Variants in SLFN12L observed in about 807,000 individuals in gnomAD.
The protein encoded by SLFN12L is schlafen family member 12-like.
A neutral mutation model predicts 34.8 loss-of-function variants in SLFN12L; 34 were observed. The observed-to-expected ratio is 0.98, with a 90% CI of 0.74 to 1.30. The LOEUF (loss-of-function observed/expected upper bound fraction) is 1.30, where lower values mean the gene tolerates loss of function less well. SLFN12L is among the 50% of genes most tolerant of loss of function. The pLI, the probability that SLFN12L is intolerant of heterozygous loss-of-function variation, is 0.00. For synonymous variants in SLFN12L, 259 were observed against 247.5 expected, an observed-to-expected ratio of 1.05 and a Z score of -0.44; for missense variants, 703 against 696.2, an observed-to-expected ratio of 1.01 and a Z score of -0.11.
intron 1 of SLFN12L, among the ~76,000 whole-genome samples, chr17:35,536,107 C>A (rs2072459571): frequency 6.6e-6 from 1 of 152,168 alleles, no homozygotes; most frequent in African/African-American, 2.4e-5. Flanking sequence ...GCATGAGCAA[C>A]CACATCCGGC....
chr17:35,489,864 G>T (rs1302916465), intron 2 of SLFN12L: 3 of 719,126 alleles, frequency 4.2e-6, no homozygotes, highest in Non-Finnish European at 6.8e-6. Context: ...TCTACTTCCG[G>T]AGAGGAACAC....
intron 1 of SLFN12L, among the ~76,000 whole-genome samples, chr17:35,530,502 A>AAGAGAG (rs1225835544): frequency 1.1e-4 from 4 of 34,814 alleles, no homozygotes; most frequent in African/African-American, 3.2e-4. Flanking sequence ...GAAAGAAAGA[A>AAGAGAG]AGAAAGAAAG....
intron 2 of SLFN12L, among the ~76,000 whole-genome samples, chr17:35,512,505 A>G (rs1486118567): frequency 6.6e-6 from 1 of 151,928 alleles, no homozygotes; most frequent in Non-Finnish European, 1.5e-5. Context: ...AGCTGGGACC[A>G]CAGGCGCCCG....
intron 1 of SLFN12L, among the ~76,000 whole-genome samples, chr17:35,526,678 G>A (rs1224883922): frequency 2.6e-5 from 4 of 152,100 alleles, no homozygotes; most frequent in East Asian, 1.9e-4. Flanking sequence ...AAGACACAAC[G>A]TGCCGGAATC....
intron 2 of SLFN12L, among the ~76,000 whole-genome samples, chr17:35,494,889 TTTTATTTA>T (rs3087173): frequency 0.027 from 3,912 of 146,898 alleles, 133 homozygotes; most frequent in African/African-American, 0.077. Flanking sequence ...AATTTATTTA[TTTTATTTA>T]TTTATTTATT....
At chr17:35,488,941 G>A (rs766016478) in intron 2 of SLFN12L, among the ~76,000 whole-genome samples, 1 of 151,488 alleles carries the variant, frequency 6.6e-6, no homozygotes, top group Non-Finnish European at 1.5e-5. Flanking sequence ...GTGGTGGCAC[G>A]CGCCTGTAAT....
intron 2 of SLFN12L, among the ~76,000 whole-genome samples, chr17:35,495,914 C>T (rs1024524575): frequency 7.4e-5 from 11 of 147,758 alleles, no homozygotes; most frequent in African/African-American, 2.7e-4. Context: ...CACACACACA[C>T]ACACACACAC....
chr17:35,516,555 C>A (rs1231394485), intron 2 of SLFN12L, among the ~76,000 whole-genome samples: 3 of 152,144 alleles, frequency 2.0e-5, no homozygotes, highest in Non-Finnish European at 2.9e-5. Context: ...CAGCAGTATC[C>A]CTGGCCTCTA....
chr17:35,480,894 T>C (rs1159579485), intron 2 of SLFN12L, among the ~76,000 whole-genome samples: 3 of 152,022 alleles, frequency 2.0e-5, no homozygotes. Flanking sequence ...AAAGAAAATA[T>C]ATAGAATAAG....
intron 1 of SLFN12L, among the ~76,000 whole-genome samples, chr17:35,528,145 G>C (rs1316872795): frequency 1.3e-5 from 2 of 152,186 alleles, no homozygotes; most frequent in Admixed American, 6.5e-5. Flanking sequence ...ACTTACAAGG[G>C]ATGTGAAGGA....
rs747212998 is a variant in SLFN12L at position 35,522,340 on chromosome 17, G to A, written c.25C>T (p.His9Tyr). The A allele has an allele frequency of 6.2e-7, 1 of 1,614,094 alleles. No homozygotes were observed. The highest frequency in any genetic ancestry group is 8.5e-7 in the Non-Finnish European group (1 of 1,180,040). ...TAGAGAATTCTGTGTGCCTCACAGT[G>A]AAACACATTCCTGATCTTCTCCATG... The part of the protein sequence containing the change: MEKIRNVF[H>Y]CEAHRILYIC... The change falls in exon 2 of 5, where the codon CAC (histidine) becomes TAC (tyrosine). Residue 9 changes from histidine to tyrosine, a missense_variant. Transcript: ENST00000628453.
At chr17:35,490,430 T>C in intron 2 of SLFN12L, 1 of 1,192,078 alleles carries the variant, frequency 8.4e-7, no homozygotes, top group South Asian at 1.2e-5. Flanking sequence ...GTCTTGGTTT[T>C]GAACAAGGCA....
chr17:35,529,230 C>CTT (rs1291982535), intron 1 of SLFN12L, among the ~76,000 whole-genome samples: 1 of 152,170 alleles, frequency 6.6e-6, no homozygotes, highest in African/African-American at 2.4e-5. Flanking sequence ...AATAGGAATG[C>CTT]TTTTACACTG....
Position 35,479,981 on chromosome 17 carries a change from T to A in SLFN12L, c.301A>T (p.Ile101Phe). The A allele has an allele frequency of 6.2e-7, 1 of 1,614,200 alleles. No individual in the cohort carries two copies. Among genetic ancestry groups the A allele is most frequent in the Non-Finnish European group, 8.5e-7 (1 of 1,180,028 alleles). The change falls in exon 3 of 5, where the codon ATC becomes TTC. Residue 101 changes from isoleucine (I) to phenylalanine (F), a missense_variant. By Grantham distance (21) the Ile-to-Phe change is conservative (BLOSUM62 0). Coordinates refer to ENST00000628453, the MANE Select transcript of SLFN12L (RefSeq NM_001363830.2). Reference sequence around the variant, plus strand: ...CCTTTATTCTCAACTTCAGCCTTGATCACTCCCCCTCCAGAATTCAGCAGA... The same window carrying A: ...CCTTTATTCTCAACTTCAGCCTTGAACACTCCCCCTCCAGAATTCAGCAGA... ...CALLNSGGGV[I>F]KAEVENKGYS...
Position 35,487,596 on chromosome 17 carries a change from C to G in SLFN12L, c.87-7401G>C, listed in dbSNP as rs1914639829. ...TGCAGGCGCTGTGCCAGCGCGGGCCCTTAAGCAACTGAAAGTTAAACGCCC... is the reference window on the plus strand; with the variant it reads ...TGCAGGCGCTGTGCCAGCGCGGGCCGTTAAGCAACTGAAAGTTAAACGCCC... On this transcript the variant is annotated intron_variant, in intron 2 of 4. Coordinates refer to ENST00000628453, the MANE Select transcript of SLFN12L (RefSeq NM_001363830.2). 1.0e-5 allele frequency: 10 copies of G among 954,444 alleles called. No homozygotes were observed. The South Asian group carries it at 1.6e-4, about 15-fold the overall frequency. The allele number at this position is 954,444 out of a possible 1,614,324, so 59.1% of individuals were successfully genotyped here.
At chr17:35,535,692 G>A (rs2072454214) in intron 1 of SLFN12L, among the ~76,000 whole-genome samples, 1 of 151,960 alleles carries the variant, frequency 6.6e-6, no homozygotes, top group African/African-American at 2.4e-5. Flanking sequence ...TTCTTGCTCT[G>A]CCGCCAAGGC....
chr17:35,508,568 T>A (rs151009319), intron 2 of SLFN12L, among the ~76,000 whole-genome samples: 1,574 of 152,316 alleles, frequency 0.01, 9 homozygotes, highest in Non-Finnish European at 0.015. Context: ...CAGGATGGTC[T>A]CAATCTCCTG....
At chr17:35,477,851 C>A (rs1233734241) in intron 4 of SLFN12L, 2 of 320,628 alleles carry the variant, frequency 6.2e-6, no homozygotes, top group Non-Finnish European at 1.1e-5. Flanking sequence ...TTGACATTAT[C>A]TTATTACTTA....
At chr17:35,504,696 C>G (rs1915411025) in intron 2 of SLFN12L, among the ~76,000 whole-genome samples, 1 of 152,188 alleles carries the variant, frequency 6.6e-6, no homozygotes, top group Non-Finnish European at 1.5e-5. Flanking sequence ...TGGGTCAGCC[C>G]CCAGGGGACA....
Sources: gnomAD v4.1 joint callset for allele counts (sites outside exome capture counted in the v4.1 genomes callset) on GRCh38, gnomAD v4.1.1 for gene constraint, MANE v1.5 for transcripts, NCBI Gene and HGNC (gene_info 2026-07-23, HGNC 2026-07-21) for gene names.